SYT1: variants seen among roughly 807,000 people sequenced by gnomAD.
The protein encoded by SYT1 is synaptotagmin 1.
Under a neutral mutation model 44.8 loss-of-function variants are expected in SYT1, and 8 were observed. The ratio of observed to expected loss-of-function variants is 0.18; its 90% CI spans 0.10 to 0.32. SYT1 has a LOEUF of 0.32. Among genes scored for constraint, SYT1 ranks in the 10% least tolerant of loss-of-function variants. The probability of loss-of-function intolerance (pLI) is 1.00; values close to 1 mark genes in which losing one functional copy is unlikely to be tolerated. For missense variants in SYT1, 286 were observed against 509.3 expected, an observed-to-expected ratio of 0.56 and a Z score of 4.22; for synonymous variants, 154 against 188.8, an observed-to-expected ratio of 0.82 and a Z score of 1.51.
At chr12:79,195,929 C>T (rs1873425141) in intron 3 of SYT1, among the ~76,000 whole-genome samples, 1 of 152,148 alleles carries the variant, frequency 6.6e-6, no homozygotes, top group Non-Finnish European at 1.5e-5. Flanking sequence ...TCCAGTGACA[C>T]AAATAATTTT....
intron 5 of SYT1, among the ~76,000 whole-genome samples, chr12:79,289,890 GTTTT>G (rs5799424): frequency 7.4e-6 from 1 of 135,194 alleles, no homozygotes. Flanking sequence ...AAACTCAGTA[GTTTT>G]TTTTTTTTTT....
At chr12:79,064,928 GAA>G (rs1565789194) in intron 3 of SYT1, among the ~76,000 whole-genome samples, 171 of 34,668 alleles carry the variant, frequency 4.9e-3, no homozygotes, top group African/African-American at 0.019. Context: ...AAAATAGAGA[GAA>G]AGAAAGAAAG....
At position 78,962,060 on chromosome 12, in the gene SYT1, TTTG is replaced by T. The variant is rs544770855; in HGVS notation, c.-216-15730_-216-15728del. ...AGGTTTCTTCTCGTTTTTGTTTTCT[TTTG>T]TTGTTGTTTTGCTTTGTTTGGCTTG... On this transcript the variant is annotated intron_variant, in intron 1 of 10. Coordinates refer to ENST00000261205, the MANE Select transcript of SYT1 (RefSeq NM_005639.3). 1.1e-3 allele frequency among the ~76,000 whole-genome samples: 162 copies of T among 152,288 alleles called. 1 individual carries two copies. The highest frequency in any genetic ancestry group is 3.7e-3 in the African/African-American group (155 of 41,580).
At chr12:79,351,173 C>T (rs374449724) in intron 8 of SYT1, among the ~76,000 whole-genome samples, 2 of 152,104 alleles carry the variant, frequency 1.3e-5, no homozygotes, top group African/African-American at 4.8e-5. Context: ...TTCTCCCATC[C>T]CATAACTTTA....
Position 78,902,737 on chromosome 12 carries a change from C to G in SYT1, c.-217+37628C>G, listed in dbSNP as rs565930241. Among the ~76,000 whole-genome samples, 297 of 152,130 alleles carry G rather than the reference C, an allele frequency of 2.0e-3. 2 individuals are homozygous for G. The highest frequency in any genetic ancestry group is 7.0e-3 in the African/African-American group (290 of 41,494). On this transcript the variant is annotated intron_variant, in intron 1 of 10. Transcript: ENST00000261205. ...TATTTTTTTCATTGATGTGGGTGCA[C>G]ACACATTAACTGTAAAGCAGAAGTA...
At chr12:79,000,234 T>G (rs548192549) in intron 2 of SYT1, among the ~76,000 whole-genome samples, 17 of 152,146 alleles carry the variant, frequency 1.1e-4, no homozygotes, top group Non-Finnish European at 1.9e-4. Context: ...CCTCCCTTGC[T>G]GTTTAACATA....
intron 3 of SYT1, among the ~76,000 whole-genome samples, chr12:79,159,059 G>A (rs531949082): frequency 3.3e-5 from 5 of 152,236 alleles, no homozygotes; most frequent in Admixed American, 6.5e-5. Context: ...GAAGAAAGGC[G>A]GGGAAATTAC....
chr12:79,124,764 C>T lies in SYT1; in HGVS notation c.-18+77402C>T, dbSNP rs371533364. On this transcript the variant is annotated intron_variant, in intron 3 of 10. Transcript: ENST00000261205. The stretch of plus-strand genomic sequence containing the variant: ...GTACATATACAACAATATATGAAGT[C>T]ATTTCATGTTTGGTAACTAGACAAT... 1.7e-4 allele frequency among the ~76,000 whole-genome samples: 26 copies of T among 152,110 alleles called. No individual in the cohort carries two copies. The South Asian group carries it at 5.2e-3, about 30-fold the overall frequency.
intron 3 of SYT1, among the ~76,000 whole-genome samples, chr12:79,197,765 G>C (rs1873548696): frequency 6.6e-6 from 1 of 152,144 alleles, no homozygotes; most frequent in Admixed American, 6.5e-5. Context: ...GTTAACATGT[G>C]TATGTCTGTA....
intron 9 of SYT1, 38 bp downstream of exon 9, chr12:79,353,657 G>A (rs1313026679): frequency 2.0e-6 from 3 of 1,478,072 alleles, no homozygotes; most frequent in East Asian, 2.3e-5. Context: ...TTCAAATGCT[G>A]TTTCGTCGTG....
At chr12:78,877,523 C>T (rs898532053) in intron 1 of SYT1, among the ~76,000 whole-genome samples, 4 of 151,692 alleles carry the variant, frequency 2.6e-5, no homozygotes, top group African/African-American at 9.7e-5. Flanking sequence ...TTAGTGTATG[C>T]ATACACACAC....
chr12:79,382,833 A>G (rs1884282431), intron 9 of SYT1, among the ~76,000 whole-genome samples: 1 of 152,212 alleles, frequency 6.6e-6, no homozygotes, highest in Admixed American at 6.5e-5. Context: ...TGCAGTCCCC[A>G]CTTTGAATTA....
rs151162830 is a variant in SYT1 at position 79,192,180 on chromosome 12, G to A, written c.-17-25323G>A. On this transcript the variant is annotated intron_variant, in intron 3 of 10. Transcript: ENST00000261205. ...GTCAGAAATACCTAGCAAGGACTAG[G>A]AGTGAGAAGGAACAGGAGTGTGTGT... Among the ~76,000 whole-genome samples, 279 of 152,280 alleles carry A rather than the reference G, an allele frequency of 1.8e-3. 2 individuals are homozygous for A. Among genetic ancestry groups the A allele is most frequent in the African/African-American group, 6.3e-3 (260 of 41,566 alleles).
chr12:79,138,493 T>C (rs1480502355), intron 3 of SYT1, among the ~76,000 whole-genome samples: 3 of 152,222 alleles, frequency 2.0e-5, no homozygotes, highest in Non-Finnish European at 4.4e-5. Context: ...AATTCATAAA[T>C]AGATTACTTT....
chr12:79,226,480 A>C (rs766289677), intron 4 of SYT1, among the ~76,000 whole-genome samples: 1 of 152,124 alleles, frequency 6.6e-6, no homozygotes, highest in African/African-American at 2.4e-5. Context: ...CCAGATAAAC[A>C]ATCTGCTTGT....
intron 2 of SYT1, among the ~76,000 whole-genome samples, chr12:79,030,136 C>G (rs1007762608): frequency 6.6e-6 from 1 of 151,120 alleles, no homozygotes; most frequent in Non-Finnish European, 1.5e-5. Flanking sequence ...TATTCAAGTA[C>G]TGTGACACAT....
At chr12:78,986,295 C>T (rs530647248) in intron 2 of SYT1, among the ~76,000 whole-genome samples, 4 of 151,756 alleles carry the variant, frequency 2.6e-5, no homozygotes, top group South Asian at 2.1e-4. Context: ...CTCTGATAAA[C>T]CATTAGTTTG....
At chr12:78,914,198 G>A (rs972871741) in intron 1 of SYT1, among the ~76,000 whole-genome samples, 1 of 151,766 alleles carries the variant, frequency 6.6e-6, no homozygotes, top group Admixed American at 6.6e-5. Context: ...TTTCAAAGGG[G>A]CATTGGGAAA....
chr12:79,148,298 A>G (rs17005300), intron 3 of SYT1, among the ~76,000 whole-genome samples: 13,360 of 152,184 alleles, frequency 0.088, 700 homozygotes, highest in African/African-American at 0.15. Flanking sequence ...CTTTTATGAA[A>G]CCCTGGAGAC....
Sources: gnomAD v4.1 joint callset for allele counts (sites outside exome capture counted in the v4.1 genomes callset) on GRCh38, gnomAD v4.1.1 for gene constraint, MANE v1.5 for transcripts, NCBI Gene and HGNC (gene_info 2026-07-23, HGNC 2026-07-21) for gene names.